The following MCF2L2 variants were observed in gnomAD, a reference collection of about 807,000 sequenced individuals.
MCF2L2 encodes the protein probable guanine nucleotide exchange factor MCF2L2.
A neutral mutation model predicts 150.2 loss-of-function variants in MCF2L2; 102 were observed. That is an observed-to-expected ratio of 0.68 (90% confidence interval 0.58 to 0.80). The LOEUF is 0.80. MCF2L2 is among the 30% of genes least tolerant of loss of function. The pLI, the probability that MCF2L2 is intolerant of heterozygous loss-of-function variation, is 0.00. For missense variants in MCF2L2, 1,256 were observed against 1,372.8 expected (o/e 0.91, Z 1.34); for synonymous variants, 465 against 491.3 (o/e 0.95, Z 0.71).
At chr3:183,244,103 G>A (rs1366250337) in intron 15 of MCF2L2, among the ~76,000 whole-genome samples, 1 of 151,564 alleles carries the variant, frequency 6.6e-6, no homozygotes, top group Admixed American at 6.6e-5. Context: ...CAGCCCGGGT[G>A]ACAGAGTGAG....
intron 25 of MCF2L2, among the ~76,000 whole-genome samples, chr3:183,202,382 G>T (rs1403935023): frequency 2.6e-5 from 4 of 152,204 alleles, no homozygotes; most frequent in Non-Finnish European, 1.5e-5. Context: ...CTCATAGAGG[G>T]TTGTAAAGGC....
At chr3:183,354,478 C>T (rs1393359054) in intron 3 of MCF2L2, among the ~76,000 whole-genome samples, 1 of 140,284 alleles carries the variant, frequency 7.1e-6, no homozygotes, top group Non-Finnish European at 1.6e-5. Flanking sequence ...ACAACCTGCA[C>T]CCTCCCACCC....
At chr3:183,359,649 T>C (rs1174823835) in intron 3 of MCF2L2, among the ~76,000 whole-genome samples, 1 of 152,204 alleles carries the variant, frequency 6.6e-6, no homozygotes, top group Admixed American at 6.5e-5. Flanking sequence ...AATAAATATA[T>C]AAACACTTTC....
intron 3 of MCF2L2, among the ~76,000 whole-genome samples, chr3:183,362,730 G>T (rs1343420517): frequency 6.6e-6 from 1 of 151,806 alleles, no homozygotes; most frequent in African/African-American, 2.4e-5. Flanking sequence ...TCTTGAACTA[G>T]AAATCTTGTA....
intron 15 of MCF2L2, among the ~76,000 whole-genome samples, chr3:183,246,872 G>T (rs931149412): frequency 1.3e-5 from 2 of 152,028 alleles, no homozygotes; most frequent in Non-Finnish European, 2.9e-5. Flanking sequence ...TTAAAAAAAC[G>T]TAATAGCTAA....
intron 1 of MCF2L2, 132 bp from the exon 2 acceptor site, chr3:183,389,911 C>T (rs950681000): frequency 2.6e-5 from 18 of 680,234 alleles, no homozygotes; most frequent in Non-Finnish European, 4.4e-5. Context: ...GCACAACATT[C>T]CCTTGAGAAC....
At chr3:183,298,573 C>A (rs1728658372) in intron 11 of MCF2L2, 1 of 152,024 alleles carries the variant, frequency 6.6e-6, no homozygotes, top group South Asian at 2.1e-4. Flanking sequence ...CCATGAGTAA[C>A]CTTTTTCTTC....
At chr3:183,219,379 G>A (rs1224470246) in intron 21 of MCF2L2, among the ~76,000 whole-genome samples, 1 of 152,158 alleles carries the variant, frequency 6.6e-6, no homozygotes, top group Non-Finnish European at 1.5e-5. Context: ...GGGAGGCCGA[G>A]GCAGGTGGAT....
chr3:183,206,951 AAGGAAGGAAGGAAGGAAGGAAGGGAGGG>A (rs1453837048), intron 23 of MCF2L2, among the ~76,000 whole-genome samples: 832 of 57,464 alleles, frequency 0.014, 22 homozygotes, highest in African/African-American at 0.04. Context: ...GGAAGGAAGG[AAGGAAGGAAGGAAGGAAGGAAGGGAGGG>A]AGGGAGGGAG....
chr3:183,256,707 T>G (rs988080206), intron 15 of MCF2L2, among the ~76,000 whole-genome samples: 3 of 152,228 alleles, frequency 2.0e-5, no homozygotes, highest in Admixed American at 2.0e-4. Flanking sequence ...TATAACTTTT[T>G]CATAGTGCTC....
chr3:183,229,580 AGTGTTT>A, intron 17 of MCF2L2, 80 bp downstream of exon 17: 1 of 661,310 alleles, frequency 1.5e-6, no homozygotes. Flanking sequence ...AAAACATCTA[AGTGTTT>A]TCATCTCTCA....
intron 25 of MCF2L2, among the ~76,000 whole-genome samples, chr3:183,204,299 C>T (rs138366443): frequency 5.9e-5 from 9 of 152,152 alleles, no homozygotes; most frequent in African/African-American, 2.2e-4. Flanking sequence ...CATAAAATGA[C>T]AAGCCAATTA....
rs7639705 is a variant in MCF2L2, at chr3:183,309,754, T to G, written c.1075A>C (p.Ile359Leu). 0.22 allele frequency: 360,347 copies of G among 1,613,322 alleles called. 43,514 individuals are homozygous for G. Among genetic ancestry groups the G allele is most frequent in the African/African-American group, 0.4 (29,959 of 74,736 alleles). ...TCCAGTTTTTTGTGTTCCTTAAGAA[T>G]CTGCTCCACGTGCATCACGCTGTCT... ...IGDSVMHVEQ[I>L]LKEHKKLEEK... The change falls in exon 10 of 30, where the codon ATT becomes CTT. Residue 359 changes from isoleucine (I) to leucine (L), a missense_variant. Physicochemically the swap from Ile to Leu is conservative, Grantham distance 5 (BLOSUM62 2). Transcript: ENST00000328913.
chr3:183,311,892 A>T, intron 7 of MCF2L2, 120 bp from the exon 8 acceptor site: 1 of 832,808 alleles, frequency 1.2e-6, no homozygotes, highest in Non-Finnish European at 1.8e-6. Flanking sequence ...ATGCTGATGA[A>T]GTCAAGATGC....
At chr3:183,281,392 C>G (rs1413286547) in intron 14 of MCF2L2, among the ~76,000 whole-genome samples, 1 of 140,896 alleles carries the variant, frequency 7.1e-6, no homozygotes, top group Non-Finnish European at 1.5e-5. Context: ...TGGAAACTCA[C>G]TGGGTTTTGA....
chr3:183,246,895 G>C lies in MCF2L2; in HGVS notation c.1863-15878C>G, dbSNP rs570625514. Among the ~76,000 whole-genome samples, 16 of 152,256 alleles carry C rather than the reference G, an allele frequency of 1.1e-4. No individual in the cohort carries two copies. In the East Asian group the frequency reaches 3.1e-3, roughly 29 times the overall value. On this transcript the variant is annotated intron_variant, in intron 15 of 29. Transcript: ENST00000328913. ...ACGTAATAGCTAACCCAATGGGCAT[G>C]AAGTAAGGTTGTTTTTGTTTTTTGT...
At chr3:183,422,966 G>A (rs55827498) in intron 1 of MCF2L2, among the ~76,000 whole-genome samples, 12,902 of 152,144 alleles carry the variant, frequency 0.085, 570 homozygotes, top group African/African-American at 0.095. Context: ...TAAGGGCAAG[G>A]GAGCTTTTGT....
intron 15 of MCF2L2, chr3:183,258,187 T>C (rs9784276): frequency 0.2 from 30,924 of 152,298 alleles, 7,006 homozygotes; most frequent in African/African-American, 0.56. Context: ...AGGATGGTCT[T>C]GATCTCCCGA....
At chr3:183,289,313 A>G in intron 13 of MCF2L2, 93 bp from the exon 14 acceptor site, 2 of 806,028 alleles carry the variant, frequency 2.5e-6, no homozygotes, top group Non-Finnish European at 4.1e-6. Context: ...GACCACGTCA[A>G]TGTGGCTAAC....
Sources: allele counts gnomAD v4.1 joint callset (sites outside exome capture counted in the v4.1 genomes callset), GRCh38; gene constraint gnomAD v4.1.1; transcripts MANE v1.5; gene names NCBI Gene and HGNC (gene_info 2026-07-23, HGNC 2026-07-21).